Variants in DLG2 observed in about 807,000 individuals in gnomAD.
The protein encoded by DLG2 is disks large homolog 2.
DLG2 carries 45 observed loss-of-function variants against 132.5 expected under a neutral mutation model. That is an observed-to-expected ratio of 0.34 (90% CI 0.27 to 0.44). DLG2 has a LOEUF of 0.44. DLG2 is among the 20% of genes least tolerant of loss of function. The pLI, the probability that DLG2 is intolerant of heterozygous loss-of-function variation, is 1.00. For missense variants in DLG2, 1,045 were observed against 1,196.9 expected, an observed-to-expected ratio of 0.87 and a Z score of 1.87; for synonymous variants, 424 against 419.6, an observed-to-expected ratio of 1.01 and a Z score of -0.13.
chr11:84,602,006 A>T (rs1464429698), intron 6 of DLG2, among the ~76,000 whole-genome samples: 5 of 152,084 alleles, frequency 3.3e-5, no homozygotes, highest in African/African-American at 1.2e-4. Context: ...CTAGAATTCA[A>T]ATATTTTCAG....
At chr11:84,996,667 G>GT (rs773513281) in intron 6 of DLG2, among the ~76,000 whole-genome samples, 3 of 152,204 alleles carry the variant, frequency 2.0e-5, no homozygotes, top group African/African-American at 4.8e-5. Flanking sequence ...ATGTGGGGTA[G>GT]TTTTTTTGGC....
At chr11:85,600,080 T>C (rs186541689) in intron 2 of DLG2, among the ~76,000 whole-genome samples, 97 of 152,316 alleles carry the variant, frequency 6.4e-4, no homozygotes, top group Non-Finnish European at 1.2e-3. Context: ...TACTTCCTAT[T>C]ACATGGAAAA....
chr11:84,902,612 T>C (rs1209601858), intron 6 of DLG2, among the ~76,000 whole-genome samples: 3 of 152,162 alleles, frequency 2.0e-5, no homozygotes, highest in Non-Finnish European at 4.4e-5. Flanking sequence ...GGAAATGTTA[T>C]CCACACCTGT....
At chr11:83,907,430 C>A in intron 15 of DLG2, among the ~76,000 whole-genome samples, 1 of 152,100 alleles carries the variant, frequency 6.6e-6, no homozygotes, top group Non-Finnish European at 1.5e-5. Flanking sequence ...CTTTGGTTCA[C>A]ACTGAGTAAA....
chr11:84,865,677 A>G (rs2084439238), intron 6 of DLG2, among the ~76,000 whole-genome samples: 1 of 152,228 alleles, frequency 6.6e-6, no homozygotes, highest in Non-Finnish European at 1.5e-5. Context: ...TCCTAACACA[A>G]CAAATAGCAT....
chr11:83,801,954 T>A (rs1354083388), intron 17 of DLG2, among the ~76,000 whole-genome samples: 1 of 152,226 alleles, frequency 6.6e-6, no homozygotes, highest in Non-Finnish European at 1.5e-5. Flanking sequence ...GTGCACTTGT[T>A]ATAAGCCAGG....
At chr11:85,090,240 T>G (rs1252985057) in intron 6 of DLG2, among the ~76,000 whole-genome samples, 1 of 151,840 alleles carries the variant, frequency 6.6e-6, no homozygotes, top group African/African-American at 2.4e-5. Flanking sequence ...CACTGTAGAG[T>G]GGGCTTGGTT....
intron 2 of DLG2, among the ~76,000 whole-genome samples, chr11:85,617,834 T>C (rs776238175): frequency 1.3e-5 from 2 of 152,200 alleles, no homozygotes; most frequent in African/African-American, 2.4e-5. Flanking sequence ...AGCTTCAAAA[T>C]TGTATCCTAA....
chr11:84,016,970 C>CT (rs1237531143), intron 11 of DLG2, among the ~76,000 whole-genome samples: 2 of 151,900 alleles, frequency 1.3e-5, no homozygotes, highest in Non-Finnish European at 2.9e-5. Flanking sequence ...ATGGAAGTAA[C>CT]TTTTTCTGTT....
chr11:84,516,053 C>A (rs916363829), intron 7 of DLG2, among the ~76,000 whole-genome samples: 1 of 150,450 alleles, frequency 6.6e-6, no homozygotes, highest in Non-Finnish European at 1.5e-5. Flanking sequence ...AATGAGAGCA[C>A]AATATACAAA....
At chr11:84,020,313 C>T (rs748506360) in intron 11 of DLG2, among the ~76,000 whole-genome samples, 25 of 151,954 alleles carry the variant, frequency 1.6e-4, no homozygotes, top group South Asian at 8.3e-4. Flanking sequence ...GTGTATGTTA[C>T]GAAATATATA....
Position 84,148,344 on chromosome 11 carries a change from G to A in DLG2, c.624+15117C>T, listed in dbSNP as rs75086358. Among the ~76,000 whole-genome samples the A allele has an allele frequency of 7.9e-5, 12 of 152,158 alleles. No homozygotes were observed. In the East Asian group the frequency reaches 2.1e-3, roughly 27 times the overall value. ...CAGGAAGTGAGCATGGTCCTAAGTA[G>A]GATGTGTTTCAGGCCTTGCAACCTT... On this transcript the variant is annotated intron_variant, in intron 9 of 27. Coordinates refer to ENST00000376104, the MANE Select transcript of DLG2 (RefSeq NM_001142699.3).
At chr11:83,622,614 T>A (rs2061808915) in intron 19 of DLG2, among the ~76,000 whole-genome samples, 2 of 152,232 alleles carry the variant, frequency 1.3e-5, no homozygotes, top group African/African-American at 4.8e-5. Context: ...ATTTCTGATT[T>A]CATTTATTTC....
intron 3 of DLG2, among the ~76,000 whole-genome samples, chr11:85,402,602 G>C (rs1020285676): frequency 1.3e-5 from 2 of 151,898 alleles, no homozygotes; most frequent in Non-Finnish European, 2.9e-5. Flanking sequence ...TCTGACAAAG[G>C]GCTAATATCC....
At chr11:83,463,136 G>A (rs2090348876) in intron 26 of DLG2, among the ~76,000 whole-genome samples, 1 of 152,134 alleles carries the variant, frequency 6.6e-6, no homozygotes, top group African/African-American at 2.4e-5. Context: ...TGTGCTTAAG[G>A]CTGTGTATTT....
intron 4 of DLG2, among the ~76,000 whole-genome samples, chr11:85,185,524 T>G (rs539191768): frequency 6.6e-6 from 1 of 152,094 alleles, no homozygotes; most frequent in South Asian, 2.1e-4. Context: ...ATGTAGAGTA[T>G]CTCATTGTGA....
chr11:84,719,931 G>A (rs2061608852), intron 6 of DLG2, among the ~76,000 whole-genome samples: 1 of 152,126 alleles, frequency 6.6e-6, no homozygotes, highest in African/African-American at 2.4e-5. Context: ...CTAGGTGGTA[G>A]TAACCTGAGA....
intron 6 of DLG2, among the ~76,000 whole-genome samples, chr11:84,616,498 A>G (rs954613574): frequency 6.6e-6 from 1 of 152,134 alleles, no homozygotes; most frequent in Non-Finnish European, 1.5e-5. Context: ...GTGGCTTTCT[A>G]TAATTCACAA....
intron 9 of DLG2, among the ~76,000 whole-genome samples, chr11:84,105,659 A>C (rs953281855): frequency 2.0e-5 from 3 of 152,162 alleles, no homozygotes; most frequent in Admixed American, 2.0e-4. Context: ...TTTGGGGTAA[A>C]GATTAGGTTA....
Sources: allele counts gnomAD v4.1 joint callset (sites outside exome capture counted in the v4.1 genomes callset), GRCh38; gene constraint gnomAD v4.1.1; transcripts MANE v1.5; gene names NCBI Gene and HGNC (gene_info 2026-07-23, HGNC 2026-07-21).